MTUS2: variants seen among roughly 807,000 people sequenced by gnomAD.
MTUS2 encodes the protein microtubule associated scaffold protein 2, also known as microtubule-associated tumor suppressor candidate 2.
MTUS2 carries 40 observed loss-of-function variants against 114.1 expected under a neutral mutation model. That is an observed-to-expected ratio of 0.35 (90% CI 0.27 to 0.46). The LOEUF (loss-of-function observed/expected upper bound fraction) is 0.46, where lower values mean the gene tolerates loss of function less well. Among genes scored for constraint, MTUS2 ranks in the 20% least tolerant of loss-of-function variants. MTUS2 has a pLI of 1.00. For missense variants in MTUS2, 1,679 were observed against 1,705.4 expected, an observed-to-expected ratio of 0.98 and a Z score of 0.27; for synonymous variants, 688 against 672.0, an observed-to-expected ratio of 1.02 and a Z score of -0.37.
At chr13:29,043,212 G>A (rs1470267756) in intron 4 of MTUS2, among the ~76,000 whole-genome samples, 2 of 152,054 alleles carry the variant, frequency 1.3e-5, no homozygotes, top group South Asian at 4.1e-4. Flanking sequence ...TCAAGAGCAG[G>A]TTGTTTAATT....
chr13:29,375,544 TA>T (rs1566163117), intron 8 of MTUS2, among the ~76,000 whole-genome samples: 542 of 5,174 alleles, frequency 0.1, 51 homozygotes, highest in Non-Finnish European at 0.12. Flanking sequence ...TATACGTGTA[TA>T]TATATATATA....
intron 7 of MTUS2, among the ~76,000 whole-genome samples, chr13:29,345,569 A>G (rs1868580452): frequency 6.6e-6 from 1 of 151,512 alleles, no homozygotes; most frequent in South Asian, 2.1e-4. Flanking sequence ...ATGTCCTATA[A>G]CATTGTTTTT....
chr13:29,172,922 C>A (rs1029947484), intron 5 of MTUS2, among the ~76,000 whole-genome samples: 4 of 152,142 alleles, frequency 2.6e-5, no homozygotes, highest in Admixed American at 6.5e-5. Flanking sequence ...CTAGGTAAGA[C>A]CAAATTAATC....
intron 5 of MTUS2, among the ~76,000 whole-genome samples, chr13:29,158,357 G>GTTT (rs1892955066): frequency 2.2e-4 from 3 of 13,832 alleles, no homozygotes; most frequent in African/African-American, 5.2e-4. Flanking sequence ...CGTCCACCCC[G>GTTT]CTTTTTTTTT....
chr13:29,416,893 TTGC>T (rs1875709380), intron 8 of MTUS2, among the ~76,000 whole-genome samples: 1 of 152,168 alleles, frequency 6.6e-6, no homozygotes, highest in Non-Finnish European at 1.5e-5. Flanking sequence ...AGTCTTAGAG[TTGC>T]TATCTCTGGG....
intron 2 of MTUS2, among the ~76,000 whole-genome samples, chr13:28,942,624 A>G (rs1484824041): frequency 6.6e-6 from 1 of 152,262 alleles, no homozygotes; most frequent in Non-Finnish European, 1.5e-5. Flanking sequence ...ATGGAATCCT[A>G]TACAGCAATC....
intron 6 of MTUS2, among the ~76,000 whole-genome samples, chr13:29,292,956 A>G (rs1898779442): frequency 6.6e-6 from 1 of 152,176 alleles, no homozygotes; most frequent in Non-Finnish European, 1.5e-5. Context: ...AATTCTGTAA[A>G]TTTTAAAAAG....
chr13:29,031,124 G>T (rs1021417182), intron 3 of MTUS2, among the ~76,000 whole-genome samples: 2 of 152,034 alleles, frequency 1.3e-5, no homozygotes, highest in African/African-American at 4.8e-5. Context: ...GGCGATGTGC[G>T]TGCAGTGTAC....
At chr13:28,847,328 AT>A (rs1408938859) in intron 2 of MTUS2, among the ~76,000 whole-genome samples, 1 of 152,004 alleles carries the variant, frequency 6.6e-6, no homozygotes, top group Non-Finnish European at 1.5e-5. Context: ...AGGGTGGAGT[AT>A]AAGTTTTTGC....
rs1476960968 is a variant in MTUS2, at chr13:29,505,527, C to T, written c.*2321C>T. The T allele has an allele frequency of 4.8e-5, 11 of 231,154 alleles. No individual in the cohort carries two copies. The highest frequency in any genetic ancestry group is 5.1e-5 in the Non-Finnish European group (6 of 116,860). 14.3% of individuals were successfully genotyped at this position (231,154 alleles called of 1,614,324 possible). A position where few individuals can be genotyped will look rare whatever the true frequency, so the allele number is the denominator to read the frequency against. ...TCCTCATCTGAGCCATCACCGCTCC[C>T]GAAACACATGGGGCGGCAGCTGCTG... On this transcript the variant is annotated 3_prime_UTR_variant, in exon 16 of 16. Coordinates refer to ENST00000612955, the MANE Select transcript of MTUS2 (RefSeq NM_001033602.4).
chr13:29,000,239 C>T (rs781125749), intron 2 of MTUS2, among the ~76,000 whole-genome samples: 3 of 152,180 alleles, frequency 2.0e-5, no homozygotes, highest in South Asian at 4.1e-4. Context: ...ATTTCTTGCA[C>T]GGCAGGTATA....
chr13:29,209,769 T>A (rs188050629), intron 5 of MTUS2, among the ~76,000 whole-genome samples: 44 of 152,322 alleles, frequency 2.9e-4, no homozygotes, highest in African/African-American at 9.9e-4. Context: ...CAATCCCTTC[T>A]GGTTTGTAGG....
intron 2 of MTUS2, among the ~76,000 whole-genome samples, chr13:28,897,049 A>G (rs1297951032): frequency 6.6e-6 from 1 of 152,226 alleles, no homozygotes; most frequent in Non-Finnish European, 1.5e-5. Flanking sequence ...AAAATTGACA[A>G]ATGGGATCTA....
intron 4 of MTUS2, among the ~76,000 whole-genome samples, chr13:29,095,570 AT>A (rs35239839): frequency 0.67 from 101,952 of 151,616 alleles, 34,971 homozygotes; most frequent in Non-Finnish European, 0.74. Flanking sequence ...GACTATGTAA[AT>A]TTTTTTTCTG....
chr13:28,978,095 T>G (rs1184800447), intron 2 of MTUS2, among the ~76,000 whole-genome samples: 1 of 152,228 alleles, frequency 6.6e-6, no homozygotes, highest in Non-Finnish European at 1.5e-5. Flanking sequence ...GAACTGTATT[T>G]TTTTCTGCTA....
intron 2 of MTUS2, among the ~76,000 whole-genome samples, chr13:28,898,655 G>A (rs1011201966): frequency 2.0e-5 from 3 of 152,182 alleles, no homozygotes; most frequent in Non-Finnish European, 4.4e-5. Context: ...TTTGTTAGCT[G>A]ACAATTACAC....
chr13:29,144,740 T>C (rs1892362016), intron 5 of MTUS2, among the ~76,000 whole-genome samples: 1 of 152,166 alleles, frequency 6.6e-6, no homozygotes, highest in Non-Finnish European at 1.5e-5. Context: ...AAAATGGAGA[T>C]TTATATCAAA....
At chr13:29,491,919 GAT>G (rs1029367797) in intron 11 of MTUS2, among the ~76,000 whole-genome samples, 1 of 142,278 alleles carries the variant, frequency 7.0e-6, no homozygotes, top group African/African-American at 2.6e-5. Flanking sequence ...GTGTGTATGT[GAT>G]GTGTGTGTGG....
chr13:28,964,312 C>G lies in MTUS2; in HGVS notation c.-242-60145C>G, dbSNP rs142942406. Among the ~76,000 whole-genome samples, 77 of 152,336 alleles carry G rather than the reference C, an allele frequency of 5.1e-4. 4 individuals carry two copies. In the East Asian group the frequency reaches 9.3e-3, roughly 18 times the overall value. On this transcript the variant is annotated intron_variant, in intron 2 of 15. Transcript: ENST00000612955. ...AGAATGTCCTTGCTGTCTTTCCTCA[C>G]TGCTCCTACTCTAGTCCAAGCCACT...
Sources: allele counts gnomAD v4.1 joint callset (sites outside exome capture counted in the v4.1 genomes callset), GRCh38; gene constraint gnomAD v4.1.1; transcripts MANE v1.5; gene names NCBI Gene and HGNC (gene_info 2026-07-23, HGNC 2026-07-21).